Variants in CLDN16 observed in about 807,000 individuals in gnomAD.
CLDN16 encodes the protein claudin-16.
CLDN16 carries 13 observed loss-of-function variants against 24.6 expected under a neutral mutation model. The ratio of observed to expected loss-of-function variants is 0.53; its 90% confidence interval spans 0.34 to 0.84. CLDN16 has a LOEUF of 0.84. CLDN16 is among the 40% of genes least tolerant of loss of function. The probability of loss-of-function intolerance (pLI) is 0.01; values close to 1 mark genes in which losing one functional copy is unlikely to be tolerated. For missense variants in CLDN16, 298 were observed against 292.7 expected, an observed-to-expected ratio of 1.02 and a Z score of -0.13; for synonymous variants, 116 against 106.7, an observed-to-expected ratio of 1.09 and a Z score of -0.54.
At chr3:190,376,398 C>A (rs1718249763) in intron 3 of CLDN16, among the ~76,000 whole-genome samples, 1 of 151,568 alleles carries the variant, frequency 6.6e-6, no homozygotes, top group Non-Finnish European at 1.5e-5. Flanking sequence ...AAAAAAAAAT[C>A]TTAGTCTCCG....
At chr3:190,397,825 G>C (rs531747326) in intron 1 of CLDN16, among the ~76,000 whole-genome samples, 1 of 152,132 alleles carries the variant, frequency 6.6e-6, no homozygotes, top group African/African-American at 2.4e-5. Context: ...TCTAAATATG[G>C]TCATTGCAGG....
Position 190,410,205 on chromosome 3 carries a change from CTT to C in CLDN16, c.*170_*171del. ...TCCTATACTTTTTCTTTCTATTACT[CTT>C]ATATTTTCCCGTCATTCTCTCTGCT... On this transcript the variant is annotated 3_prime_UTR_variant, in exon 5 of 5. Coordinates refer to ENST00000264734, the MANE Select transcript of CLDN16 (RefSeq NM_006580.4). The C allele has an allele frequency of 2.7e-6, 2 of 753,538 alleles. No individual in the cohort carries two copies. The highest frequency in any genetic ancestry group is 4.4e-6 in the Non-Finnish European group (2 of 453,900). The allele number at this position is 753,538 out of a possible 1,614,324, so 46.7% of individuals were successfully genotyped here. A position where few individuals can be genotyped will look rare whatever the true frequency, so the allele number is the denominator to read the frequency against.
At chr3:190,326,099 C>T (rs1009943508) in intron 1 of CLDN16, among the ~76,000 whole-genome samples, 6 of 152,168 alleles carry the variant, frequency 3.9e-5, no homozygotes, top group African/African-American at 1.4e-4. Flanking sequence ...ATTTGCATAA[C>T]ATCCTTGTGA....
chr3:190,379,221 A>G (rs1428567856), intron 3 of CLDN16, among the ~76,000 whole-genome samples: 1 of 152,088 alleles, frequency 6.6e-6, no homozygotes, highest in Non-Finnish European at 1.5e-5. Flanking sequence ...ACTGAAACCA[A>G]GTTTCTATAA....
At chr3:190,336,830 CA>C (rs1717321382) in intron 1 of CLDN16, among the ~76,000 whole-genome samples, 1 of 152,176 alleles carries the variant, frequency 6.6e-6, no homozygotes, top group Admixed American at 6.5e-5. Context: ...TGGACGCTGG[CA>C]GTCCAAGTAA....
the CLDN16 span, chr3:190,306,830 C>T: frequency 6.6e-6 from 1 of 152,468 alleles, no homozygotes; most frequent in Non-Finnish European, 1.5e-5. Flanking sequence ...CACTGAGCCA[C>T]ATGAAGGTAT....
At chr3:190,405,800 TAAAC>T (rs1719082671) in intron 3 of CLDN16, among the ~76,000 whole-genome samples, 1 of 152,218 alleles carries the variant, frequency 6.6e-6, no homozygotes, top group African/African-American at 2.4e-5. Flanking sequence ...GCATGACTAA[TAAAC>T]AACATATCAA....
chr3:190,377,741 TAAGAGGGTG>T, intron 3 of CLDN16, among the ~76,000 whole-genome samples: 1 of 152,130 alleles, frequency 6.6e-6, no homozygotes, highest in South Asian at 2.1e-4. Flanking sequence ...CTGCGAGTGA[TAAGAGGGTG>T]AGCGGGCACC....
chr3:190,381,684 G>C (rs182290589), intron 3 of CLDN16, among the ~76,000 whole-genome samples: 3 of 152,074 alleles, frequency 2.0e-5, no homozygotes, highest in African/African-American at 7.2e-5. Flanking sequence ...TTGTATATTT[G>C]TCACTCCAGA....
chr3:190,374,379 A>G (rs1313863950), intron 2 of CLDN16: 2 of 151,300 alleles, frequency 1.3e-5, no homozygotes, highest in Admixed American at 6.6e-5. Context: ...GTTATCAACA[A>G]GTTCCATGAA....
At chr3:190,389,018 G>A (rs3774014) in intron 1 of CLDN16, among the ~76,000 whole-genome samples, 28,380 of 152,156 alleles carry the variant, frequency 0.19, 3,090 homozygotes, top group Middle Eastern at 0.29. Context: ...CCCAATGTAC[G>A]GGGGACAGGC....
intron 1 of CLDN16, among the ~76,000 whole-genome samples, chr3:190,356,378 C>G (rs1291172919): frequency 6.6e-6 from 1 of 151,630 alleles, no homozygotes; most frequent in African/African-American, 2.4e-5. Context: ...TTGCTTGTAA[C>G]AAAATGTTAT....
intron 1 of CLDN16, among the ~76,000 whole-genome samples, chr3:190,354,121 ATCTC>A (rs779187375): frequency 2.7e-5 from 4 of 150,404 alleles, no homozygotes; most frequent in East Asian, 3.9e-4. Context: ...TCTGTATTGA[ATCTC>A]TCTCTCTCTC....
chr3:190,344,930 C>A (rs1259333560), intron 1 of CLDN16, among the ~76,000 whole-genome samples: 1 of 151,482 alleles, frequency 6.6e-6, no homozygotes, highest in South Asian at 2.1e-4. Context: ...TTCTATTTAC[C>A]CAGAAGTGTA....
chr3:190,300,601 C>A, the CLDN16 span, among the ~76,000 whole-genome samples: 6 of 152,218 alleles, frequency 3.9e-5, no homozygotes, highest in African/African-American at 1.2e-4. Flanking sequence ...ATGTGACCCA[C>A]AAAGTCTGAA....
At chr3:190,310,201 T>A in the CLDN16 span, 1 of 1,613,928 alleles carries the variant, frequency 6.2e-7, no homozygotes, top group Non-Finnish European at 8.5e-7. Flanking sequence ...GGTCATAGAA[T>A]TCTTGAACGA....
intron 1 of CLDN16, among the ~76,000 whole-genome samples, chr3:190,396,163 A>G (rs1244129385): frequency 6.6e-6 from 1 of 152,188 alleles, no homozygotes; most frequent in Middle Eastern, 3.2e-3. Context: ...CCCAGGATTA[A>G]GGAACTAATT....
chr3:190,294,974 A>G, the CLDN16 span, among the ~76,000 whole-genome samples: 1 of 152,148 alleles, frequency 6.6e-6, no homozygotes, highest in Admixed American at 6.5e-5. Flanking sequence ...TATTTTAATC[A>G]TGTTCTAACA....
In CLDN16 at chr3:190,330,753, T is replaced by C. The variant is rs78982849; in HGVS notation, n.121+8092T>C. ...CAATGGAACAAGTTGCCTTATTGTGTCATAAGATGAATTATAAATAATTAA... is the reference window on the plus strand; with the variant it reads ...CAATGGAACAAGTTGCCTTATTGTGCCATAAGATGAATTATAAATAATTAA... On this transcript the variant is annotated intron_variant and non_coding_transcript_variant, in intron 1 of 4. Transcript: ENST00000468220. 3.0e-3 allele frequency among the ~76,000 whole-genome samples: 454 copies of C among 152,294 alleles called. 5 individuals carry two copies. The highest frequency in any genetic ancestry group is 0.01 in the African/African-American group (422 of 41,564).
Sources: allele counts gnomAD v4.1 joint callset (sites outside exome capture counted in the v4.1 genomes callset), GRCh38; gene constraint gnomAD v4.1.1; transcripts MANE v1.5; gene names NCBI Gene and HGNC (gene_info 2026-07-23, HGNC 2026-07-21).